The following FRRS1 variants were observed in gnomAD, a reference collection of about 807,000 sequenced individuals.
The protein encoded by FRRS1 is ferric reductase 1.
In FRRS1, 51 loss-of-function variants were observed where a neutral mutation model predicts 70.7. The ratio of observed to expected loss-of-function variants is 0.72; its 90% CI spans 0.58 to 0.91. The LOEUF (loss-of-function observed/expected upper bound fraction) is 0.91. Among genes scored for constraint, FRRS1 ranks in the 40% least tolerant of loss-of-function variants. The pLI, the probability that FRRS1 is intolerant of heterozygous loss-of-function variation, is 0.00. For missense variants in FRRS1, 672 were observed against 726.0 expected, an observed-to-expected ratio of 0.93 and a Z score of 0.86; for synonymous variants, 225 against 238.7, an observed-to-expected ratio of 0.94 and a Z score of 0.53.
At chr1:99,725,140 G>C (rs1655020033) in intron 9 of FRRS1, among the ~76,000 whole-genome samples, 1 of 152,018 alleles carries the variant, frequency 6.6e-6, no homozygotes, top group Admixed American at 6.6e-5. Context: ...AGTTGACAAT[G>C]GGGTTCGTGC....
At chr1:99,719,346 T>C (rs936133801) in intron 10 of FRRS1, among the ~76,000 whole-genome samples, 188 bp downstream of exon 10, 11 of 149,128 alleles carry the variant, frequency 7.4e-5, no homozygotes, top group Non-Finnish European at 1.5e-4. Context: ...GAGGTGGAGC[T>C]TGCAGTGAGC....
chr1:99,719,099 A>G (rs1033639783), intron 10 of FRRS1, among the ~76,000 whole-genome samples: 6 of 152,006 alleles, frequency 3.9e-5, no homozygotes, highest in Admixed American at 2.0e-4. Flanking sequence ...GCTGCCTGCA[A>G]GTGTTAGTGT....
In FRRS1 at chr1:99,736,776, A is replaced by AAAATG. The variant is rs1655689874; in HGVS notation, c.759+1309_759+1310insCATTT. Among the ~76,000 whole-genome samples, 4 of 144,282 alleles carry AAAATG rather than the reference A, an allele frequency of 2.8e-5. No individual in the cohort carries two copies. In the South Asian group the frequency reaches 6.7e-4, roughly 24 times the overall value. 94.7% of individuals were successfully genotyped at this position (144,282 alleles called of 152,430 possible). A position where few individuals can be genotyped will look rare whatever the true frequency, so the allele number is the denominator to read the frequency against. On this transcript the variant is annotated intron_variant, in intron 7 of 16. Coordinates refer to ENST00000646001, the MANE Select transcript of FRRS1 (RefSeq NM_001361041.2). ...CTAAAACTTAAAGTGTACTAATAAT[A>AAAATG]AAATAAAAATAAATAAAATAAAAAT...
At position 99,732,953 on chromosome 1, in the gene FRRS1, C is replaced by G. The variant is rs897366955; in HGVS notation, c.760-3205G>C. 2.0e-5 allele frequency among the ~76,000 whole-genome samples: 3 copies of G among 151,928 alleles called. No individual in the cohort carries two copies. In the South Asian group the frequency reaches 6.2e-4, roughly 32 times the overall value. Reference sequence around the variant, plus strand: ...TGACCTCCTGGGATCAAGTGATCCTCCCACCTCAGCCTCCCAGGTATCTGG... The same window carrying G: ...TGACCTCCTGGGATCAAGTGATCCTGCCACCTCAGCCTCCCAGGTATCTGG... On this transcript the variant is annotated intron_variant, in intron 7 of 16. Transcript: ENST00000646001.
At chr1:99,741,637 T>C (rs1230615194) in intron 5 of FRRS1, among the ~76,000 whole-genome samples, 10 of 152,210 alleles carry the variant, frequency 6.6e-5, no homozygotes, top group African/African-American at 2.4e-4. Flanking sequence ...GAGAGTCTAA[T>C]CTGCAAGTTG....
intron 10 of FRRS1, 127 bp downstream of exon 10, chr1:99,719,407 C>T: frequency 2.6e-6 from 1 of 388,432 alleles, no homozygotes; most frequent in Non-Finnish European, 4.3e-6. Context: ...GACTCCATCT[C>T]AAAAAAAAAA....
intron 10 of FRRS1, 44 bp from the exon 11 acceptor site, chr1:99,717,569 C>T (rs1654596761): frequency 1.5e-6 from 2 of 1,324,198 alleles, no homozygotes; most frequent in East Asian, 4.6e-5. Context: ...ACAAACGAAT[C>T]AAGCCATCGC....
intron 1 of FRRS1, among the ~76,000 whole-genome samples, chr1:99,754,224 G>A (rs564881279): frequency 5.9e-5 from 9 of 152,322 alleles, no homozygotes; most frequent in East Asian, 1.9e-4. Context: ...CCAGCACTTT[G>A]TTAGGCCAAG....
chr1:99,738,254 A>C lies in FRRS1; in HGVS notation c.591T>G (p.Asp197Glu). The C allele has an allele frequency of 6.3e-7, 1 of 1,599,802 alleles. No homozygotes were observed. Among genetic ancestry groups the C allele is most frequent in the South Asian group, 1.1e-5 (1 of 88,178 alleles). ...TAATACAGAACTTCTTGTTCCCACA[A>C]TCTGAGGCACTGAACTAGAAAAATG... is the stretch of plus-strand genomic sequence containing the variant. ...SHLTKPFSAS[D>E]CGNKKFCIRS... Residue 197 changes from aspartate to glutamate, a missense_variant, in exon 7 of 17, where the codon GAT becomes GAG. By Grantham distance (45) the Asp-to-Glu change is conservative. Coordinates refer to ENST00000646001, the MANE Select transcript of FRRS1 (RefSeq NM_001361041.2).
intron 1 of FRRS1, among the ~76,000 whole-genome samples, chr1:99,753,955 C>T (rs1172075255): frequency 2.0e-5 from 3 of 152,136 alleles, no homozygotes; most frequent in Non-Finnish European, 4.4e-5. Flanking sequence ...GAAAGATATA[C>T]TACATTAACA....
In FRRS1 at chr1:99,704,421, G is replaced by C. The variant is rs1653974609; in HGVS notation, c.*4607C>G. Among the ~76,000 whole-genome samples the C allele has an allele frequency of 6.6e-6, 1 of 152,194 alleles. No individual in the cohort carries two copies. The highest frequency in any genetic ancestry group is 2.4e-5 in the African/African-American group (1 of 41,462). ...CTAGCTTTTGTAAGTGATAACGGGA[G>C]GGAAGTGCTGGGAAGGGCGTGGTCC... On this transcript the variant is annotated 3_prime_UTR_variant, in exon 17 of 17. Transcript: ENST00000646001.
intron 11 of FRRS1, 118 bp from the exon 12 acceptor site, chr1:99,715,790 A>C (rs1454386750): frequency 1.6e-6 from 1 of 637,592 alleles, no homozygotes; most frequent in African/African-American, 1.8e-5. Flanking sequence ...CATGCATTCA[A>C]CTGACATCTA....
chr1:99,766,568 A>G (rs764675479), intron 1 of FRRS1, 39 bp downstream of exon 1: 2 of 152,214 alleles, frequency 1.3e-5, no homozygotes, highest in African/African-American at 4.8e-5. Flanking sequence ...AACGCTTTAC[A>G]AAGAGCTTTG....
intron 1 of FRRS1, among the ~76,000 whole-genome samples, chr1:99,761,178 G>A (rs1172984): frequency 0.026 from 3,888 of 152,112 alleles, 176 homozygotes; most frequent in African/African-American, 0.089. Context: ...CCAGGATGGA[G>A]AGCAGTGGTG....
At position 99,747,644 on chromosome 1, in the gene FRRS1, A is replaced by C. The variant is rs563318952; in HGVS notation, c.197-214T>G. 2.4e-5 allele frequency: 12 copies of C among 493,274 alleles called. No individual in the cohort carries two copies. In the East Asian group the frequency reaches 4.3e-4, roughly 18 times the overall value. The allele number at this position is 493,274 out of a possible 1,614,324, so 30.6% of individuals were successfully genotyped here. A position where few individuals can be genotyped will look rare whatever the true frequency, so the allele number is the denominator to read the frequency against. On this transcript the variant is annotated intron_variant, in intron 3 of 16. Coordinates refer to ENST00000646001, the MANE Select transcript of FRRS1 (RefSeq NM_001361041.2). Reference sequence around the variant, plus strand: ...TTCAATCTGTGAGATATTAATAGCCATTCCGCAAAGAGAAAAGAAAAATAG... The same window carrying C: ...TTCAATCTGTGAGATATTAATAGCCCTTCCGCAAAGAGAAAAGAAAAATAG...
At chr1:99,712,321 T>G (rs1654306488) in intron 13 of FRRS1, 97 bp downstream of exon 13, 3 of 1,048,824 alleles carry the variant, frequency 2.9e-6, no homozygotes, top group Non-Finnish European at 4.2e-6. Flanking sequence ...TCACTGAATT[T>G]TATAAAATGC....
intron 1 of FRRS1, among the ~76,000 whole-genome samples, chr1:99,755,483 C>T (rs1656788435): frequency 6.6e-6 from 1 of 151,984 alleles, no homozygotes; most frequent in Admixed American, 6.6e-5. Flanking sequence ...ACTATTTAAT[C>T]GACTTCGCCA....
At chr1:99,712,228 A>G (rs746066118) in intron 13 of FRRS1, 65 bp from the exon 14 acceptor site, 14 of 1,138,560 alleles carry the variant, frequency 1.2e-5, no homozygotes, top group Middle Eastern at 2.0e-4. Context: ...TCCCACTAGA[A>G]TAAAAAGCAT....
intron 1 of FRRS1, among the ~76,000 whole-genome samples, chr1:99,753,609 A>G (rs12726609): frequency 0.046 from 6,965 of 152,006 alleles, 231 homozygotes; most frequent in South Asian, 0.18. Flanking sequence ...CTACTAAAAA[A>G]ATACAAAAAA....
Sources: gnomAD v4.1 joint callset for allele counts (sites outside exome capture counted in the v4.1 genomes callset) on GRCh38, gnomAD v4.1.1 for gene constraint, MANE v1.5 for transcripts, NCBI Gene and HGNC (gene_info 2026-07-23, HGNC 2026-07-21) for gene names.